Variants in ANTXR2 observed in about 807,000 individuals in gnomAD.
The protein encoded by ANTXR2 is anthrax toxin receptor 2.
ANTXR2 carries 44 observed loss-of-function variants against 73.7 expected under a neutral mutation model. The observed-to-expected ratio is 0.60, with a 90% CI of 0.47 to 0.77. The LOEUF is 0.77. Ranked by LOEUF, ANTXR2 falls within the 30% of genes least tolerant of loss-of-function variation. The probability of loss-of-function intolerance (pLI) is 0.00; values close to 1 mark genes in which losing one functional copy is unlikely to be tolerated. For synonymous variants in ANTXR2, 217 were observed against 205.9 expected, an observed-to-expected ratio of 1.05 and a Z score of -0.46; for missense variants, 604 against 592.5, an observed-to-expected ratio of 1.02 and a Z score of -0.20.
intron 16 of ANTXR2, among the ~76,000 whole-genome samples, chr4:79,920,947 G>C (rs1021987753): frequency 6.6e-6 from 1 of 151,984 alleles, no homozygotes; most frequent in African/African-American, 2.4e-5. Flanking sequence ...TCAAATAATG[G>C]CTAATTGCAA....
At chr4:80,016,733 G>C (rs894106603) in intron 11 of ANTXR2, among the ~76,000 whole-genome samples, 63 of 152,262 alleles carry the variant, frequency 4.1e-4, no homozygotes, top group African/African-American at 1.5e-3. Context: ...CCTTCTATTT[G>C]GCAAAACCAC....
At chr4:80,013,363 AAT>A (rs1731690049) in intron 11 of ANTXR2, among the ~76,000 whole-genome samples, 1 of 152,238 alleles carries the variant, frequency 6.6e-6, no homozygotes, top group Admixed American at 6.5e-5. Context: ...CCCTGCCGTC[AAT>A]GTCTCAAGGC....
chr4:80,041,093 C>A (rs753968369), intron 7 of ANTXR2, among the ~76,000 whole-genome samples: 10 of 152,062 alleles, frequency 6.6e-5, no homozygotes, highest in Non-Finnish European at 8.8e-5. Flanking sequence ...AGCTAATCCT[C>A]ATAAGTCTAA....
At chr4:80,067,558 C>A (rs544773613) in intron 3 of ANTXR2, among the ~76,000 whole-genome samples, 2 of 152,272 alleles carry the variant, frequency 1.3e-5, no homozygotes, top group East Asian at 3.9e-4. Flanking sequence ...AGATACAAGG[C>A]TGTTTCTTTG....
chr4:79,965,600 C>CAT (rs1321329034), intron 16 of ANTXR2, among the ~76,000 whole-genome samples: 1 of 152,074 alleles, frequency 6.6e-6, no homozygotes, highest in Non-Finnish European at 1.5e-5. Context: ...AAATATTATG[C>CAT]ATATATACAC....
intron 16 of ANTXR2, among the ~76,000 whole-genome samples, chr4:79,922,595 A>C (rs1727632491): frequency 6.6e-6 from 1 of 152,124 alleles, no homozygotes; most frequent in Non-Finnish European, 1.5e-5. Context: ...CAAAATACTA[A>C]TTGACTAAAA....
At chr4:79,986,461 A>C (rs1482085744) in intron 12 of ANTXR2, among the ~76,000 whole-genome samples, 1 of 152,224 alleles carries the variant, frequency 6.6e-6, no homozygotes, top group Non-Finnish European at 1.5e-5. Context: ...TGTCTTTTAA[A>C]GGTATGTACA....
At chr4:79,932,225 T>A (rs1382642685) in intron 16 of ANTXR2, among the ~76,000 whole-genome samples, 1 of 152,132 alleles carries the variant, frequency 6.6e-6, no homozygotes, top group East Asian at 1.9e-4. Flanking sequence ...GCTTACATGT[T>A]AAATAACACT....
intron 7 of ANTXR2, among the ~76,000 whole-genome samples, chr4:80,053,337 T>C (rs545409392): frequency 6.6e-6 from 1 of 151,858 alleles, no homozygotes; most frequent in Admixed American, 6.6e-5. Context: ...CTAGATGTAC[T>C]GATAAGTGAT....
chr4:80,020,674 T>C (rs1732116693), intron 10 of ANTXR2, among the ~76,000 whole-genome samples: 1 of 152,224 alleles, frequency 6.6e-6, no homozygotes, highest in Non-Finnish European at 1.5e-5. Flanking sequence ...CAGAGAGGCT[T>C]GATTAAATGA....
rs1256143887 is a variant in ANTXR2 at position 79,993,750 on chromosome 4, A to ACACACACCCGCGCGCG, written c.1042-8888_1042-8887insCGCGCGCGGGTGTGTG. Reference sequence around the variant, plus strand: ...CCTAGAGTCTGGCAATACACCACACACACACACACGCACACACACACACAC... The same window carrying ACACACACCCGCGCGCG: ...CCTAGAGTCTGGCAATACACCACACACACACACCCGCGCGCGCACACACACGCACACACACACACAC... On this transcript the variant is annotated intron_variant, in intron 12 of 16. Coordinates refer to ENST00000403729, the MANE Select transcript of ANTXR2 (RefSeq NM_058172.6). 3.8e-5 allele frequency among the ~76,000 whole-genome samples: 3 copies of ACACACACCCGCGCGCG among 78,116 alleles called. No individual in the cohort carries two copies. In the Admixed American group the frequency reaches 5.4e-4, roughly 14 times the overall value. 51.2% of individuals were successfully genotyped at this position (78,116 alleles called of 152,430 possible).
intron 3 of ANTXR2, among the ~76,000 whole-genome samples, chr4:80,068,490 G>A (rs1481489454): frequency 6.6e-6 from 1 of 152,098 alleles, no homozygotes; most frequent in Non-Finnish European, 1.5e-5. Context: ...TCAGTGAGGT[G>A]GGGTGTGGTG....
At chr4:79,931,180 A>T (rs1016693124) in intron 16 of ANTXR2, among the ~76,000 whole-genome samples, 17 of 152,302 alleles carry the variant, frequency 1.1e-4, no homozygotes, top group African/African-American at 4.1e-4. Context: ...TGTGTACATA[A>T]TTTTGCCAAA....
intron 11 of ANTXR2, 57 bp downstream of exon 11, chr4:80,018,841 A>G: frequency 7.7e-7 from 1 of 1,295,054 alleles, no homozygotes; most frequent in African/African-American, 1.5e-5. Flanking sequence ...AGATCCATAG[A>G]TTATTTCTGG....
intron 11 of ANTXR2, among the ~76,000 whole-genome samples, chr4:80,010,661 G>A (rs961791598): frequency 6.6e-6 from 1 of 152,054 alleles, no homozygotes; most frequent in Admixed American, 6.6e-5. Context: ...CCAAGAACAG[G>A]AAAATCAGAA....
intron 16 of ANTXR2, among the ~76,000 whole-genome samples, chr4:79,929,582 T>C (rs1319877879): frequency 6.6e-6 from 1 of 152,162 alleles, no homozygotes; most frequent in Non-Finnish European, 1.5e-5. Context: ...AATAAAGTTG[T>C]GGCTAGCTGT....
chr4:79,929,680 A>G (rs993604326), intron 16 of ANTXR2, among the ~76,000 whole-genome samples: 4 of 152,194 alleles, frequency 2.6e-5, no homozygotes, highest in Admixed American at 6.5e-5. Flanking sequence ...TACAGCTAAC[A>G]GAACAATACT....
chr4:80,014,739 T>C (rs1418740013), intron 11 of ANTXR2, among the ~76,000 whole-genome samples: 2 of 152,182 alleles, frequency 1.3e-5, no homozygotes, highest in African/African-American at 4.8e-5. Flanking sequence ...TCAAGGGAGA[T>C]AGTGCCCCTA....
intron 16 of ANTXR2, among the ~76,000 whole-genome samples, chr4:79,915,862 C>CTCTCTCTCTCTCTATATATA (rs377006532): frequency 8.9e-5 from 11 of 123,878 alleles, no homozygotes; most frequent in Non-Finnish European, 1.7e-4. Context: ...CTCTCTCTCT[C>CTCTCTCTCTCTCTATATATA]TATATATATA....
Sources: gnomAD v4.1 joint callset for allele counts (sites outside exome capture counted in the v4.1 genomes callset) on GRCh38, gnomAD v4.1.1 for gene constraint, MANE v1.5 for transcripts, NCBI Gene and HGNC (gene_info 2026-07-23, HGNC 2026-07-21) for gene names.